The following FBXW7 variants were observed in gnomAD, a reference collection of about 807,000 sequenced individuals.
FBXW7 encodes the protein F-box/WD repeat-containing protein 7.
In FBXW7, 11 loss-of-function variants were observed where a neutral mutation model predicts 86.3. That is an observed-to-expected ratio of 0.13 (90% CI 0.08 to 0.21). The LOEUF is 0.21. Ranked by LOEUF, FBXW7 falls within the 10% of genes least tolerant of loss-of-function variation. The pLI is 1.00. For missense variants in FBXW7, 488 were observed against 847.4 expected, an observed-to-expected ratio of 0.58 and a Z score of 5.27; for synonymous variants, 313 against 297.9, an observed-to-expected ratio of 1.05 and a Z score of -0.52.
intron 2 of FBXW7, among the ~76,000 whole-genome samples, chr4:152,413,794 T>G (rs576669537): frequency 1.3e-5 from 2 of 152,274 alleles, no homozygotes; most frequent in South Asian, 2.1e-4. Flanking sequence ...TTTCATCTTT[T>G]TTGACCAGAA....
intron 2 of FBXW7, among the ~76,000 whole-genome samples, chr4:152,418,287 C>T (rs1385250971): frequency 1.3e-5 from 2 of 152,012 alleles, no homozygotes; most frequent in African/African-American, 4.8e-5. Flanking sequence ...AACTAGCCTA[C>T]GTAGTACTTA....
At chr4:152,390,838 CAGTA>C (rs938343479) in intron 4 of FBXW7, among the ~76,000 whole-genome samples, 1 of 151,634 alleles carries the variant, frequency 6.6e-6, no homozygotes, top group Non-Finnish European at 1.5e-5. Context: ...TTTTAAAATA[CAGTA>C]AGTAATTGTG....
chr4:152,502,209 C>T (rs1226565152), intron 2 of FBXW7, among the ~76,000 whole-genome samples: 1 of 152,104 alleles, frequency 6.6e-6, no homozygotes, highest in Non-Finnish European at 1.5e-5. Flanking sequence ...GAGTTTTTAG[C>T]TTTATTTAGT....
At chr4:152,372,603 G>A (rs1432234172) in intron 4 of FBXW7, among the ~76,000 whole-genome samples, 2 of 151,876 alleles carry the variant, frequency 1.3e-5, no homozygotes, top group East Asian at 3.9e-4. Flanking sequence ...GCAGACAAGG[G>A]ACTGTGGACT....
chr4:152,339,817 C>T (rs912932771), intron 6 of FBXW7, among the ~76,000 whole-genome samples: 1 of 151,026 alleles, frequency 6.6e-6, no homozygotes, highest in Non-Finnish European at 1.5e-5. Flanking sequence ...TGGAATGCGC[C>T]TGTAGTCCCA....
rs34073737 is a variant in FBXW7, at chr4:152,387,708, C to CTTTTTTT, written c.501+23588_501+23594dup. Among the ~76,000 whole-genome samples, 963 of 112,752 alleles carry CTTTTTTT rather than the reference C, an allele frequency of 8.5e-3. 17 individuals are homozygous for CTTTTTTT. Among genetic ancestry groups the CTTTTTTT allele is most frequent in the Middle Eastern group, 0.012 (2 of 164 alleles). The allele number at this position is 112,752 out of a possible 152,430, so 74.0% of individuals were successfully genotyped here. ...ATCAAAGAAAAAAAACATGGCATAC[C>CTTTTTTT]TTTTTTTTTTTTTTTTTTGAGACTG... is the stretch of plus-strand genomic sequence containing the variant. On this transcript the variant is annotated intron_variant, in intron 4 of 13. Transcript: ENST00000281708.
chr4:152,466,954 A>G (rs1480099445), intron 2 of FBXW7, among the ~76,000 whole-genome samples: 1 of 152,172 alleles, frequency 6.6e-6, no homozygotes, highest in Non-Finnish European at 1.5e-5. Flanking sequence ...AATAATAATA[A>G]TAATAATCTG....
chr4:152,534,817 T>A (rs1456503270), intron 2 of FBXW7, 124 bp downstream of exon 2: 2 of 152,222 alleles, frequency 1.3e-5, no homozygotes, highest in African/African-American at 4.8e-5. Flanking sequence ...CCTCCGTGAA[T>A]AAAGCTAGAC....
chr4:152,439,647 C>T (rs933299851), intron 2 of FBXW7, among the ~76,000 whole-genome samples: 2 of 151,950 alleles, frequency 1.3e-5, no homozygotes, highest in African/African-American at 4.8e-5. Flanking sequence ...GGGCCGATCA[C>T]GAGGTCAGGA....
intron 2 of FBXW7, among the ~76,000 whole-genome samples, chr4:152,462,942 C>G (rs1440090585): frequency 7.0e-6 from 1 of 143,278 alleles, no homozygotes; most frequent in Non-Finnish European, 1.5e-5. Context: ...TTTTTAATCT[C>G]ACATAGTACA....
chr4:152,450,419 AC>A (rs1270210378), intron 2 of FBXW7, among the ~76,000 whole-genome samples: 2 of 152,226 alleles, frequency 1.3e-5, no homozygotes, highest in African/African-American at 2.4e-5. Flanking sequence ...AATCTGAAGT[AC>A]TATCAAATCT....
chr4:152,485,205 A>G lies in FBXW7; in HGVS notation c.-120+49736T>C, dbSNP rs112082500. ...AACATAAAACAACAGTAAATACAAC[A>G]TATCAGTTAGATTAAACATACTAGT... On this transcript the variant is annotated intron_variant, in intron 2 of 13. Coordinates refer to ENST00000281708, the MANE Select transcript of FBXW7 (RefSeq NM_001349798.2). Among the ~76,000 whole-genome samples, 317 of 152,210 alleles carry G rather than the reference A, an allele frequency of 2.1e-3. 2 individuals are homozygous for G. Among genetic ancestry groups the G allele is most frequent in the African/African-American group, 6.1e-3 (253 of 41,582 alleles).
At chr4:152,474,298 TA>T (rs1201313148) in intron 2 of FBXW7, among the ~76,000 whole-genome samples, 1 of 152,250 alleles carries the variant, frequency 6.6e-6, no homozygotes, top group Non-Finnish European at 1.5e-5. Context: ...TCATGAATTC[TA>T]ACCATGTAAA....
intron 2 of FBXW7, among the ~76,000 whole-genome samples, chr4:152,479,851 G>A (rs1299131417): frequency 6.6e-6 from 1 of 152,124 alleles, no homozygotes; most frequent in Non-Finnish European, 1.5e-5. Context: ...CACTGCATAC[G>A]TATCATGTTC....
intron 5 of FBXW7, among the ~76,000 whole-genome samples, chr4:152,349,298 A>G (rs1173052500): frequency 7.3e-6 from 1 of 136,644 alleles, no homozygotes; most frequent in African/African-American, 3.1e-5. Context: ...TATACAAAAA[A>G]TTCTGTTTTA....
chr4:152,446,643 C>A (rs1377809963), intron 2 of FBXW7, among the ~76,000 whole-genome samples: 1 of 152,172 alleles, frequency 6.6e-6, no homozygotes, highest in Admixed American at 6.5e-5. Flanking sequence ...CTTCACGCTG[C>A]CCATTTATTT....
intron 4 of FBXW7, among the ~76,000 whole-genome samples, chr4:152,408,149 G>A (rs1160602676): frequency 6.6e-6 from 1 of 152,208 alleles, no homozygotes; most frequent in South Asian, 2.1e-4. Flanking sequence ...ACAGGTGGAA[G>A]CCACTAAGAT....
intron 2 of FBXW7, among the ~76,000 whole-genome samples, chr4:152,456,544 T>A (rs1455946303): frequency 1.3e-5 from 2 of 151,404 alleles, no homozygotes; most frequent in Non-Finnish European, 2.9e-5. Flanking sequence ...TCAAAATAAA[T>A]AAATCAATAA....
intron 2 of FBXW7, chr4:152,530,291 TAATA>T (rs1454998110): frequency 6.6e-6 from 1 of 152,176 alleles, no homozygotes; most frequent in Non-Finnish European, 1.5e-5. Flanking sequence ...ATTAAGACTT[TAATA>T]GATAGCAGTA....
Sources: allele counts gnomAD v4.1 joint callset (sites outside exome capture counted in the v4.1 genomes callset), GRCh38; gene constraint gnomAD v4.1.1; transcripts MANE v1.5; gene names NCBI Gene and HGNC (gene_info 2026-07-23, HGNC 2026-07-21).